PRTG: variants seen among roughly 807,000 people sequenced by gnomAD.
PRTG encodes the protein protogenin, also known as immunoglobulin superfamily, DCC subclass, member 5.
PRTG carries 67 observed loss-of-function variants against 122.5 expected under a neutral mutation model. The observed-to-expected ratio is 0.55, with a 90% CI of 0.45 to 0.67. The LOEUF (loss-of-function observed/expected upper bound fraction) is 0.67, where lower values mean the gene tolerates loss of function less well. Ranked by LOEUF, PRTG falls within the 30% of genes least tolerant of loss-of-function variation. The pLI is 0.00. For synonymous variants in PRTG, 554 were observed against 501.1 expected (o/e 1.11, Z -1.41); for missense variants, 1,435 against 1,415.4 (o/e 1.01, Z -0.22).
intron 11 of PRTG, among the ~76,000 whole-genome samples, chr15:55,646,754 A>T (rs1292778357): frequency 6.6e-6 from 1 of 152,222 alleles, no homozygotes; most frequent in Admixed American, 6.5e-5. Flanking sequence ...AAATTAATCT[A>T]ACACAAATTT....
intron 10 of PRTG, among the ~76,000 whole-genome samples, chr15:55,672,930 T>C (rs1028050846): frequency 6.6e-6 from 1 of 152,240 alleles, no homozygotes; most frequent in Non-Finnish European, 1.5e-5. Flanking sequence ...TCCTCTGTGA[T>C]ATAGAGAACA....
At chr15:55,627,965 T>C (rs2059204760) in intron 16 of PRTG, among the ~76,000 whole-genome samples, 2 of 152,190 alleles carry the variant, frequency 1.3e-5, no homozygotes, top group Admixed American at 6.5e-5. Context: ...TGCTGGGCTC[T>C]AGACTACTTT....
In PRTG at chr15:55,639,799, G is replaced by A. The variant is rs1360124332; in HGVS notation, c.2167C>T (p.Pro723Ser). ...SVRDRMVPPP[P>S]PPHHLYAKAN... Reference sequence around the variant, plus strand: ...TTCGCATAGAGATGGTGGGGTGGTGGTGGAGGAGGGACCATGCGATCACGA... The same window carrying A: ...TTCGCATAGAGATGGTGGGGTGGTGATGGAGGAGGGACCATGCGATCACGA... Residue 723 changes from proline to serine, a missense_variant, in exon 13 of 20, where the codon CCA becomes TCA. Physicochemically the swap from Pro to Ser is moderately conservative, Grantham distance 74 (BLOSUM62 -1). Coordinates refer to ENST00000389286, the MANE Select transcript of PRTG (RefSeq NM_173814.6). The A allele has an allele frequency of 6.2e-7, 1 of 1,614,180 alleles. No homozygotes were observed. Among genetic ancestry groups the A allele is most frequent in the East Asian group, 2.2e-5 (1 of 44,888 alleles).
In PRTG at chr15:55,673,620, T is replaced by C; in HGVS notation, c.1603A>G (p.Ile535Val). ...TTGGCTGGGATTGGCAGCCAGGAGA[T>C]GAGAATATCAGTGGGACTTCGACTT... is the stretch of plus-strand genomic sequence containing the variant. ...LTSRSPTDIL[I>V]SWLPIPAKYR... The change falls in exon 10 of 20, where the codon ATC becomes GTC. Residue 535 changes from isoleucine (I) to valine (V), a missense_variant. Ile to Val is a conservative substitution (Grantham distance 29, BLOSUM62 3). Transcript: ENST00000389286. The C allele has an allele frequency of 6.2e-7, 1 of 1,613,764 alleles. No individual in the cohort carries two copies. The highest frequency in any genetic ancestry group is 1.3e-5 in the African/African-American group (1 of 75,058).
Position 55,682,409 on chromosome 15 carries a change from C to T in PRTG, c.631G>A (p.Ala211Thr). 2 of 1,606,342 alleles carry T rather than the reference C, an allele frequency of 1.2e-6. No homozygotes were observed. The highest frequency in any genetic ancestry group is 1.7e-6 in the Non-Finnish European group (2 of 1,175,494). ...GNYRCIAATV[A>T]HRRKSMEASL... ...GCCTCCATACTTTTACGTCGGTGGG[C>T]TACAGTGGCAGCAATACAACGATAA... The change falls in exon 4 of 20, where the codon GCC becomes ACC. Residue 211 changes from alanine to threonine, a missense_variant. Ala to Thr is a moderately conservative substitution (Grantham distance 58, BLOSUM62 0). Transcript: ENST00000389286.
chr15:55,673,028 A>G (rs960869461), intron 10 of PRTG, among the ~76,000 whole-genome samples: 2 of 152,128 alleles, frequency 1.3e-5, no homozygotes, highest in African/African-American at 4.8e-5. Context: ...TTGCAGTCCT[A>G]TAGTCCTCCT....
At chr15:55,719,861 C>T (rs1430644468) in intron 2 of PRTG, among the ~76,000 whole-genome samples, 1 of 152,002 alleles carries the variant, frequency 6.6e-6, no homozygotes, top group Non-Finnish European at 1.5e-5. Context: ...GAGTTCAAGA[C>T]CAGCCTGGCC....
At chr15:55,627,852 G>A (rs762701407) in intron 16 of PRTG, among the ~76,000 whole-genome samples, 3 of 152,024 alleles carry the variant, frequency 2.0e-5, no homozygotes, top group East Asian at 1.9e-4. Context: ...TCATGTGCCT[G>A]TGAGTCACTA....
In PRTG at chr15:55,624,375, T is replaced by C. The variant is rs1307314490; in HGVS notation, c.3060A>G (p.Pro1020=). Residue 1020 remains proline, a synonymous_variant, in exon 18 of 20, where the codon CCA becomes CCG. Transcript: ENST00000389286. ...GAVGNEESLM[P]MIMPNSFIDA... ...CAATGAAGCTGTTTGGCATGATCAT[T>C]GGCATTAAAGATTCTTCATTTCCTA... is the stretch of plus-strand genomic sequence containing the variant. 6.2e-7 allele frequency: 1 copy of C among 1,614,152 alleles called. No homozygotes were observed. Among genetic ancestry groups the C allele is most frequent in the African/African-American group, 1.3e-5 (1 of 75,056 alleles).
At chr15:55,633,408 A>G (rs1185795926) in intron 15 of PRTG, among the ~76,000 whole-genome samples, 4 of 152,160 alleles carry the variant, frequency 2.6e-5, no homozygotes, top group African/African-American at 9.7e-5. Context: ...ATACAAGTAT[A>G]ATTTCATATG....
chr15:55,628,334 G>T (rs1162655289), intron 16 of PRTG, among the ~76,000 whole-genome samples: 5 of 150,650 alleles, frequency 3.3e-5, no homozygotes, highest in Non-Finnish European at 5.9e-5. Flanking sequence ...AGTAGTGTAA[G>T]GGTAGCTCTT....
intron 18 of PRTG, among the ~76,000 whole-genome samples, chr15:55,624,045 TA>T (rs1443951851): frequency 1.3e-5 from 2 of 152,110 alleles, no homozygotes; most frequent in African/African-American, 4.8e-5. Flanking sequence ...TGTCCTTGGT[TA>T]AAACAACTTC....
intron 17 of PRTG, among the ~76,000 whole-genome samples, chr15:55,626,612 G>A (rs532421519): frequency 6.6e-6 from 1 of 150,530 alleles, no homozygotes; most frequent in South Asian, 2.1e-4. Context: ...AAAAAAATTA[G>A]CTGGGCGTGG....
rs750973580 is a variant in PRTG at position 55,675,576 on chromosome 15, T to C, written c.1489A>G (p.Met497Val). Reference protein sequence around the residue: ...SNYTFYIVAYMPMGASQMSDH... With the variant: ...SNYTFYIVAYVPMGASQMSDH... ...GACATCTGGCTGGCTCCCATTGGCA[T>C]ATATGCTACAATGTAGAAAGTATAA... The change falls in exon 9 of 20, where the codon ATG (methionine) becomes GTG (valine). Residue 497 changes from methionine (M) to valine (V), a missense_variant. Met to Val is a conservative substitution (Grantham distance 21). Coordinates refer to ENST00000389286, the MANE Select transcript of PRTG (RefSeq NM_173814.6). The C allele has an allele frequency of 6.2e-7, 1 of 1,612,038 alleles. No individual in the cohort carries two copies. Among genetic ancestry groups the C allele is most frequent in the Non-Finnish European group, 8.5e-7 (1 of 1,178,362 alleles).
chr15:55,723,746 TTTTTTC>T (rs1445370905), intron 2 of PRTG, among the ~76,000 whole-genome samples: 3 of 100,302 alleles, frequency 3.0e-5, no homozygotes, highest in Admixed American at 1.2e-4. Flanking sequence ...TATTCTTTTC[TTTTTTC>T]TTTTTTTTTT....
chr15:55,680,198 C>G lies in PRTG; in HGVS notation c.829G>C (p.Asp277His). ...SWSRLDHKSI[D>H]VFNTRVLGNG... is the part of the protein sequence containing the mutation. ...CCAAGTACCCGAGTATTAAAGACAT[C>G]AATGGATTTGTGATCTATTTCAAAG... The change falls in exon 6 of 20, where the codon GAT (aspartate) becomes CAT (histidine). Residue 277 changes from aspartate (D) to histidine (H), a missense_variant. Transcript: ENST00000389286. The G allele has an allele frequency of 6.2e-7, 1 of 1,609,254 alleles. No individual in the cohort carries two copies. The highest frequency in any genetic ancestry group is 8.5e-7 in the Non-Finnish European group (1 of 1,175,872).
chr15:55,672,364 C>T (rs939086340), intron 11 of PRTG, 81 bp downstream of exon 11: 2 of 1,106,872 alleles, frequency 1.8e-6, no homozygotes, highest in South Asian at 3.0e-5. Context: ...AGTAAGTTCT[C>T]CTGCTTTAGA....
chr15:55,734,716 C>T (rs2031354842), intron 2 of PRTG, among the ~76,000 whole-genome samples: 1 of 147,646 alleles, frequency 6.8e-6, no homozygotes, highest in African/African-American at 2.5e-5. Flanking sequence ...TTTTTAAACG[C>T]TCATCAAAAG....
At chr15:55,721,170 T>A (rs1224732908) in intron 2 of PRTG, among the ~76,000 whole-genome samples, 1 of 152,148 alleles carries the variant, frequency 6.6e-6, no homozygotes, top group African/African-American at 2.4e-5. Context: ...TGTAAAATCG[T>A]AATAACCTAA....
Sources: allele counts gnomAD v4.1 joint callset (sites outside exome capture counted in the v4.1 genomes callset), GRCh38; gene constraint gnomAD v4.1.1; transcripts MANE v1.5; gene names NCBI Gene and HGNC (gene_info 2026-07-23, HGNC 2026-07-21).